ABCA3: variants seen among roughly 807,000 people sequenced by gnomAD.
ABCA3 encodes phospholipid-transporting ATPase ABCA3.
In ABCA3, 88 loss-of-function variants were observed where a neutral mutation model predicts 172.8. That is an observed-to-expected ratio of 0.51 (90% CI 0.43 to 0.61). The LOEUF is 0.61. Ranked by LOEUF, ABCA3 falls within the 20% of genes least tolerant of loss-of-function variation. The probability of loss-of-function intolerance (pLI) is 0.00; values close to 1 mark genes in which losing one functional copy is unlikely to be tolerated. For synonymous variants in ABCA3, 1,066 were observed against 983.8 expected, an observed-to-expected ratio of 1.08 and a Z score of -1.56; for missense variants, 2,164 against 2,301.0, an observed-to-expected ratio of 0.94 and a Z score of 1.22.
At chr16:2,294,757 TG>T in intron 18 of ABCA3, among the ~76,000 whole-genome samples, 1 of 151,974 alleles carries the variant, frequency 6.6e-6, no homozygotes, top group East Asian at 1.9e-4. Flanking sequence ...CCGAGGTGGG[TG>T]GATCACCTGA....
chr16:2,309,505 G>A lies in ABCA3; in HGVS notation c.1112-882C>T, dbSNP rs560628626. ...GGCTCCCGACGGCCGGGAAGGCTTCGAGGAGGTGACATGTGAGAAGGAGCC... is the reference window on the plus strand; with the variant it reads ...GGCTCCCGACGGCCGGGAAGGCTTCAAGGAGGTGACATGTGAGAAGGAGCC... On this transcript the variant is annotated intron_variant, in intron 10 of 32. Coordinates refer to ENST00000301732, the MANE Select transcript of ABCA3 (RefSeq NM_001089.3). Among the ~76,000 whole-genome samples, 10 of 152,330 alleles carry A rather than the reference G, an allele frequency of 6.6e-5. No homozygotes were observed. The East Asian group carries it at 1.4e-3, about 21-fold the overall frequency.
Position 2,285,319 on chromosome 16 carries a change from C to T in ABCA3, c.3483+123G>A. The T allele has an allele frequency of 8.2e-7, 1 of 1,216,972 alleles. No individual in the cohort carries two copies. Among genetic ancestry groups the T allele is most frequent in the Admixed American group, 2.0e-5 (1 of 50,548 alleles). 75.4% of individuals were successfully genotyped at this position (1,216,972 alleles called of 1,614,324 possible). On this transcript the variant is annotated intron_variant, in intron 23 of 32. Transcript: ENST00000301732. This position sits in a 1 kb window ranked among gnomAD's most constrained non-coding sequence, Gnocchi z 4.7. ...GCCGCCAGGGGATTCCAGCTGTCCTCCCTGAGTCGGGCCGAGCTGCCGGCC... is the reference window on the plus strand; with the variant it reads ...GCCGCCAGGGGATTCCAGCTGTCCTTCCTGAGTCGGGCCGAGCTGCCGGCC...
chr16:2,309,178 C>T (rs1290837424), intron 10 of ABCA3, among the ~76,000 whole-genome samples: 1 of 152,344 alleles, frequency 6.6e-6, no homozygotes, highest in Non-Finnish European at 1.5e-5. Context: ...GATCTCCTGA[C>T]CTCGTGATCC....
At chr16:2,293,234 G>A (rs1248752510) in intron 18 of ABCA3, among the ~76,000 whole-genome samples, 1 of 151,530 alleles carries the variant, frequency 6.6e-6, no homozygotes, top group Non-Finnish European at 1.5e-5. Context: ...TGTATTTTTA[G>A]TAGAGATGGG....
chr16:2,328,534 T>C lies in ABCA3; in HGVS notation c.-108A>G, dbSNP rs534236081. The C allele has an allele frequency of 1.9e-6, 1 of 515,332 alleles. No individual in the cohort carries two copies. Among genetic ancestry groups the C allele is most frequent in the Non-Finnish European group, 3.9e-6 (1 of 258,464 alleles). 31.9% of individuals were successfully genotyped at this position (515,332 alleles called of 1,614,324 possible). On this transcript the variant is annotated 5_prime_UTR_variant, in exon 3 of 33. Transcript: ENST00000301732. ...AATAGGAGAAACGTGCTCTGAAAACTGAGTGTAAAGAGGGCGAGGTGTGCA... is the reference window on the plus strand; with the variant it reads ...AATAGGAGAAACGTGCTCTGAAAACCGAGTGTAAAGAGGGCGAGGTGTGCA...
In ABCA3 at chr16:2,276,164, A is replaced by T. The variant is rs1188093323; in HGVS notation, c.*510T>A. ...GGGCTGCGCTGGACGCTAAGACCCC[A>T]GCACCTAATCACAGTCAGCAGCTTC... On this transcript the variant is annotated 3_prime_UTR_variant, in exon 33 of 33. Transcript: ENST00000301732. 1 of 377,620 alleles carries T rather than the reference A, an allele frequency of 2.6e-6. No individual in the cohort carries two copies. Among genetic ancestry groups the T allele is most frequent in the Non-Finnish European group, 5.4e-6 (1 of 186,720 alleles). The allele number at this position is 377,620 out of a possible 1,614,324, so 23.4% of individuals were successfully genotyped here.
At chr16:2,304,286 G>T in intron 11 of ABCA3, 136 bp from the exon 12 acceptor site, 1 of 890,736 alleles carries the variant, frequency 1.1e-6, no homozygotes, top group Non-Finnish European at 1.9e-6. Context: ...TTCCCTTCCC[G>T]GTTTTATAAC....
In ABCA3 at chr16:2,315,034, C is replaced by T. The variant is rs187941370; in HGVS notation, c.1111+2249G>A. Among the ~76,000 whole-genome samples, 159 of 150,502 alleles carry T rather than the reference C, an allele frequency of 1.1e-3. 1 individual carries two copies. Among genetic ancestry groups the T allele is most frequent in the Non-Finnish European group, 1.9e-3 (129 of 67,698 alleles). On this transcript the variant is annotated intron_variant, in intron 10 of 32. Transcript: ENST00000301732. ...CTGGGACTACAGGTACCCGCCACCA[C>T]ACCCGGCTAATTTTTGTATTTTTTT...
intron 12 of ABCA3, among the ~76,000 whole-genome samples, chr16:2,301,053 AC>A (rs1281877147): frequency 7.9e-5 from 12 of 151,356 alleles, no homozygotes; most frequent in African/African-American, 2.7e-4. Context: ...ACACGGTGAA[AC>A]CCCGTCTCTA....
Position 2,295,626 on chromosome 16 carries a change from T to C in ABCA3, c.2378A>G (p.Glu793Gly). ...NATLESSAGA[E>G]LSFILPREST... ...CTCTCTGGGAAGGATGAAAGACAGC[T>C]CGGCCCCAGCGCTGCTCTCCAGCGT... The change falls in exon 18 of 33, where the codon GAG becomes GGG. Residue 793 changes from glutamate (E) to glycine (G), a missense_variant. By Grantham distance (98) the Glu-to-Gly change is moderately conservative. Around this residue, in one of 3 missense-constraint regions of ABCA3, gnomAD observed 1,343 missense variants for 1,369.6 expected, o/e 0.98. Coordinates refer to ENST00000301732, the MANE Select transcript of ABCA3 (RefSeq NM_001089.3). 6.2e-7 allele frequency: 1 copy of C among 1,613,918 alleles called. No homozygotes were observed. The highest frequency in any genetic ancestry group is 8.5e-7 in the Non-Finnish European group (1 of 1,180,038).
At chr16:2,292,329 G>T in intron 18 of ABCA3, 91 bp from the exon 19 acceptor site, 1 of 1,104,668 alleles carries the variant, frequency 9.1e-7, no homozygotes, top group Non-Finnish European at 1.3e-6. Context: ...GCCAGGCACA[G>T]TGCCTCACAC....
At chr16:2,316,490 CAAAAA>C (rs71148128) in intron 10 of ABCA3, among the ~76,000 whole-genome samples, 6 of 28,872 alleles carry the variant, frequency 2.1e-4, no homozygotes, top group African/African-American at 7.5e-4. Flanking sequence ...ACTAAAAATG[CAAAAA>C]AAAAAAAAAA....
At position 2,296,224 on chromosome 16, in the gene ABCA3, A is replaced by G. The variant is rs113713761; in HGVS notation, c.2264-484T>C. On this transcript the variant is annotated intron_variant, in intron 17 of 32. Coordinates refer to ENST00000301732, the MANE Select transcript of ABCA3 (RefSeq NM_001089.3). ...CCCAACGTCACCGTGCAGGAGATGG[A>G]ATTCCATGTCCTTTTTTTTTTTTTT... is the stretch of plus-strand genomic sequence containing the variant. Among the ~76,000 whole-genome samples the G allele has an allele frequency of 1.6e-4, 25 of 151,782 alleles. 2 individuals carry two copies. The highest frequency in any genetic ancestry group is 6.0e-4 in the African/African-American group (25 of 41,426).
chr16:2,281,367 A>T lies in ABCA3; in HGVS notation c.4164+14T>A. ...AGCTGGCAGGAAGGACTCCACCCCA[A>T]ATTGCAAGGGTACCTTGGAGAGCTC... On this transcript the variant is annotated intron_variant, in intron 27 of 32. Transcript: ENST00000301732. This position sits in a 1 kb window ranked among gnomAD's most constrained non-coding sequence, Gnocchi z 4.7. The T allele has an allele frequency of 6.2e-7, 1 of 1,613,496 alleles. No individual in the cohort carries two copies. Among genetic ancestry groups the T allele is most frequent in the Non-Finnish European group, 8.5e-7 (1 of 1,179,932 alleles).
rs2093737991 is a variant in ABCA3, at chr16:2,328,516, GA to G, written c.-91del. 1 of 514,138 alleles carries G rather than the reference GA, an allele frequency of 1.9e-6. No individual in the cohort carries two copies. Among genetic ancestry groups the G allele is most frequent in the South Asian group, 1.4e-5 (1 of 70,200 alleles). 31.8% of individuals were successfully genotyped at this position (514,138 alleles called of 1,614,324 possible). On this transcript the variant is annotated 5_prime_UTR_variant, in exon 3 of 33. Coordinates refer to ENST00000301732, the MANE Select transcript of ABCA3 (RefSeq NM_001089.3). ...GCGCTGCAACCCGCAGGAAATAGGA[GA>G]AACGTGCTCTGAAAACTGAGTGTAA... is the stretch of plus-strand genomic sequence containing the variant.
chr16:2,295,849 A>G, intron 17 of ABCA3, 109 bp from the exon 18 acceptor site: 1 of 1,469,916 alleles, frequency 6.8e-7, no homozygotes. Flanking sequence ...GAAGGAGGCT[A>G]GAGAACCGGA....
Position 2,281,563 on chromosome 16 carries a change from C to A in ABCA3, c.4036-54G>T. ...GTGAACCCAGCCGCAGGGCGGCTTC[C>A]GTGGAGAAGGGAGGGGCGGGGGTGG... On this transcript the variant is annotated intron_variant, in intron 26 of 32. Coordinates refer to ENST00000301732, the MANE Select transcript of ABCA3 (RefSeq NM_001089.3). The surrounding 1 kb of genome is among the most constrained non-coding windows in gnomAD (Gnocchi z 4.7). 1 of 445,620 alleles carries A rather than the reference C, an allele frequency of 2.2e-6. No individual in the cohort carries two copies. Among genetic ancestry groups the A allele is most frequent in the South Asian group, 2.1e-5 (1 of 48,480 alleles). 27.6% of individuals were successfully genotyped at this position (445,620 alleles called of 1,614,324 possible).
chr16:2,276,243 T>C lies in ABCA3; in HGVS notation c.*431A>G, dbSNP rs1457310074. 8.8e-6 allele frequency: 4 copies of C among 454,026 alleles called. No individual in the cohort carries two copies. The highest frequency in any genetic ancestry group is 6.0e-5 in the African/African-American group (3 of 50,172). 28.1% of individuals were successfully genotyped at this position (454,026 alleles called of 1,614,324 possible). On this transcript the variant is annotated 3_prime_UTR_variant, in exon 33 of 33. Transcript: ENST00000301732. ...ATTCCTGGCGGCCTGGGGGCCTCGCTACAGTTCAACCTGGCTGGCTTCCCG... is the reference window on the plus strand; with the variant it reads ...ATTCCTGGCGGCCTGGGGGCCTCGCCACAGTTCAACCTGGCTGGCTTCCCG...
chr16:2,291,368 C>T (rs541066451), intron 19 of ABCA3, among the ~76,000 whole-genome samples: 1 of 152,048 alleles, frequency 6.6e-6, no homozygotes, highest in East Asian at 2.0e-4. Context: ...CCAGGCTAGT[C>T]TCAAACTCCT....
Sources: gnomAD v4.1 joint callset for allele counts (sites outside exome capture counted in the v4.1 genomes callset) on GRCh38, gnomAD v4.1.1 for gene constraint, gnomAD v4.1.1 regional missense constraint, Gnocchi (gnomAD v3.1) non-coding constraint, MANE v1.5 for transcripts, NCBI Gene and HGNC (gene_info 2026-07-23, HGNC 2026-07-21) for gene names.